Variants in MAGOHB observed in about 807,000 individuals in gnomAD.
The protein encoded by MAGOHB is protein mago nashi homolog 2.
A neutral mutation model predicts 20.9 loss-of-function variants in MAGOHB; 15 were observed. The observed-to-expected ratio is 0.72, with a 90% CI of 0.48 to 1.11. MAGOHB has a LOEUF of 1.11. Ranked by LOEUF, MAGOHB falls within the 50% of genes least tolerant of loss-of-function variation. The probability of loss-of-function intolerance (pLI) is 0.00; values close to 1 mark genes in which losing one functional copy is unlikely to be tolerated. For synonymous variants in MAGOHB, 50 were observed against 57.9 expected (o/e 0.86, Z 0.62); for missense variants, 162 against 177.6 (o/e 0.91, Z 0.50).
chr12:10,607,034 G>A (rs1430779438), intron 4 of MAGOHB, among the ~76,000 whole-genome samples: 4 of 152,146 alleles, frequency 2.6e-5, no homozygotes, highest in Non-Finnish European at 5.9e-5. Flanking sequence ...AATCCCAGTA[G>A]GGTATCAATG....
chr12:10,604,177 C>G (rs1865583654), downstream of MAGOHB: 1 of 152,138 alleles, frequency 6.6e-6, no homozygotes, highest in Non-Finnish European at 1.5e-5. Context: ...GCAGACAGTA[C>G]TTGGAAAAAG....
At chr12:10,603,649 TCA>T (rs1165078752), downstream of MAGOHB, among the ~76,000 whole-genome samples, 3 of 152,280 alleles carry the variant, frequency 2.0e-5, no homozygotes, top group African/African-American at 7.2e-5. Context: ...CTCCACCACA[TCA>T]CACAGTTCAA....
chr12:10,606,152 T>A lies in MAGOHB; in HGVS notation c.*123A>T. 1.8e-6 allele frequency: 1 copy of A among 563,070 alleles called. No individual in the cohort carries two copies. Among genetic ancestry groups the A allele is most frequent in the Non-Finnish European group, 3.1e-6 (1 of 319,964 alleles). 34.9% of individuals were successfully genotyped at this position (563,070 alleles called of 1,614,324 possible). A position where few individuals can be genotyped will look rare whatever the true frequency, so the allele number is the denominator to read the frequency against. Reference sequence around the variant, plus strand: ...TTAAGCTTGCTAATGTATTTTCTTATTTTCAGTTTACATACAAATTTTTTT... The same window carrying A: ...TTAAGCTTGCTAATGTATTTTCTTAATTTCAGTTTACATACAAATTTTTTT... On this transcript the variant is annotated 3_prime_UTR_variant, in exon 5 of 5. Transcript: ENST00000320756.
In MAGOHB at chr12:10,608,309, C is replaced by T. The variant is rs191893622; in HGVS notation, c.265-373G>A. 56 of 160,260 alleles carry T rather than the reference C, an allele frequency of 3.5e-4. 1 individual carries two copies. In the South Asian group the frequency reaches 7.6e-3, roughly 22 times the overall value. 9.9% of individuals were successfully genotyped at this position (160,260 alleles called of 1,614,324 possible). ...GACCATTTTTAATATGATAAATACA[C>T]ATTTTTTCTTTCTGGAAGATTCTAC... On this transcript the variant is annotated intron_variant, in intron 3 of 4. Coordinates refer to ENST00000320756, the MANE Select transcript of MAGOHB (RefSeq NM_018048.5).
rs901229615 is a variant in MAGOHB at position 10,605,168 on chromosome 12, A to T, written c.*1107T>A. On this transcript the variant is annotated 3_prime_UTR_variant, in exon 5 of 5. Coordinates refer to ENST00000320756, the MANE Select transcript of MAGOHB (RefSeq NM_018048.5). ...TTTAAATAGCACCATAAATTCAGTT[A>T]TACAAGGCACACCTCAAGTAATCAG... 6.6e-6 allele frequency: 1 copy of T among 152,266 alleles called. No homozygotes were observed. The highest frequency in any genetic ancestry group is 2.4e-5 in the African/African-American group (1 of 41,480). 9.4% of individuals were successfully genotyped at this position (152,266 alleles called of 1,614,324 possible). A position where few individuals can be genotyped will look rare whatever the true frequency, so the allele number is the denominator to read the frequency against.
rs1441735244 is a variant in MAGOHB at position 10,610,634 on chromosome 12, C to T, written c.141G>A (p.Met47Ile). 2 of 1,537,678 alleles carry T rather than the reference C, an allele frequency of 1.3e-6. 1 individual carries two copies. Among genetic ancestry groups the T allele is most frequent in the South Asian group, 2.5e-5 (2 of 79,994 alleles). ...ACATAGAACTTACCTCTTTTCTGAT[C>T]ATGACATCATTTTTGTAATTGCTGT... ...ANNSNYKNDV[M>I]IRKEAYVHKS... Residue 47 changes from methionine (M) to isoleucine (I), a missense_variant, in exon 2 of 5, where the codon ATG becomes ATA. Coordinates refer to ENST00000320756, the MANE Select transcript of MAGOHB (RefSeq NM_018048.5).
intron 1 of MAGOHB, among the ~76,000 whole-genome samples, chr12:10,612,190 A>AATAACATAAC (rs3059682): frequency 0.038 from 5,389 of 141,408 alleles, 144 homozygotes; most frequent in East Asian, 0.068. Flanking sequence ...CTCTACAAAA[A>AATAACATAAC]ATAACATAAC....
At chr12:10,600,515 T>A (rs7315723), downstream of MAGOHB, among the ~76,000 whole-genome samples, 1,063 of 152,278 alleles carry the variant, frequency 7.0e-3, 11 homozygotes, top group African/African-American at 0.022. Context: ...CCTTTGATGT[T>A]CCATCAGTTG....
chr12:10,612,982 T>C (rs1224436132), intron 1 of MAGOHB: 1 of 1,277,272 alleles, frequency 7.8e-7, no homozygotes, highest in Non-Finnish European at 1.0e-6. Context: ...ATGCGTCCTA[T>C]GGTGAACAAT....
intron 3 of MAGOHB, chr12:10,609,230 T>C (rs1417025170): frequency 6.3e-6 from 2 of 315,992 alleles, no homozygotes; most frequent in South Asian, 2.7e-5. Flanking sequence ...CTCAGGGATA[T>C]ACAAAAGTGA....
At chr12:10,607,758 T>C in intron 4 of MAGOHB, 96 bp downstream of exon 4, 1 of 686,344 alleles carries the variant, frequency 1.5e-6, no homozygotes, top group South Asian at 1.7e-5. Context: ...ACTGATAGGA[T>C]GCCACTGAAA....
chr12:10,608,395 T>C (rs951265244), intron 3 of MAGOHB: 3 of 153,334 alleles, frequency 2.0e-5, no homozygotes, highest in African/African-American at 7.2e-5. Flanking sequence ...TGTCAGGCCC[T>C]AGTGGTAGGG....
downstream of MAGOHB, among the ~76,000 whole-genome samples, chr12:10,601,159 G>A (rs1215852755): frequency 6.6e-6 from 1 of 152,174 alleles, no homozygotes; most frequent in Non-Finnish European, 1.5e-5. Context: ...GAGATGATAG[G>A]AAGTGGGTGA....
chr12:10,599,856 T>A (rs961759067), downstream of MAGOHB, among the ~76,000 whole-genome samples: 17 of 152,098 alleles, frequency 1.1e-4, no homozygotes, highest in African/African-American at 3.6e-4. Context: ...TTTGTACACA[T>A]CTTTGGAGAA....
At chr12:10,603,304 ACTCCGT>A, downstream of MAGOHB, among the ~76,000 whole-genome samples, 1 of 108,686 alleles carries the variant, frequency 9.2e-6, no homozygotes, top group East Asian at 2.6e-4. Context: ...ACAGAGGGAG[ACTCCGT>A]CTCAAAAAAA....
At chr12:10,607,457 C>A (rs1865648333) in intron 4 of MAGOHB, among the ~76,000 whole-genome samples, 1 of 152,076 alleles carries the variant, frequency 6.6e-6, no homozygotes, top group African/African-American at 2.4e-5. Context: ...ATACTTAGGC[C>A]ATAATGGATT....
At chr12:10,613,407 C>T in intron 1 of MAGOHB, 32 bp downstream of exon 1, 1 of 1,601,700 alleles carries the variant, frequency 6.2e-7, no homozygotes, top group Non-Finnish European at 8.6e-7. Flanking sequence ...GCTCCCCTTT[C>T]CCAGCACCGC....
downstream of MAGOHB, among the ~76,000 whole-genome samples, chr12:10,601,469 T>C (rs924517336): frequency 1.3e-5 from 2 of 152,198 alleles, no homozygotes; most frequent in African/African-American, 4.8e-5. Context: ...CCACAAAGCA[T>C]GAATCCTGGA....
At chr12:10,608,025 T>C (rs10845180) in intron 3 of MAGOHB, 89 bp from the exon 4 acceptor site, 206,792 of 732,484 alleles carry the variant, frequency 0.28, 36,342 homozygotes, top group East Asian at 0.78. Flanking sequence ...CCAATTTTAG[T>C]TGCAAGTTTT....
Sources: allele counts gnomAD v4.1 joint callset (sites outside exome capture counted in the v4.1 genomes callset), GRCh38; gene constraint gnomAD v4.1.1; transcripts MANE v1.5; gene names NCBI Gene and HGNC (gene_info 2026-07-23, HGNC 2026-07-21).